Variants in TERT observed in about 807,000 individuals in gnomAD.
TERT encodes telomerase reverse transcriptase.
In TERT, 42 loss-of-function variants were observed where a neutral mutation model predicts 104.0. That is an observed-to-expected ratio of 0.40 (90% CI 0.32 to 0.52). TERT has a LOEUF of 0.52. TERT is among the 20% of genes least tolerant of loss of function. TERT has a pLI of 0.43. For missense variants in TERT, 1,101 were observed against 1,610.3 expected, an observed-to-expected ratio of 0.68 and a Z score of 5.41; for synonymous variants, 781 against 725.6, an observed-to-expected ratio of 1.08 and a Z score of -1.23.
At chr5:1,253,867 G>T (rs754281105) in intron 15 of TERT, 36 bp from the exon 16 acceptor site, 1 of 1,579,878 alleles carries the variant, frequency 6.3e-7, no homozygotes, top group Admixed American at 1.8e-5. Context: ...TCCAGAAGAG[G>T]CCAGAGGTGG....
In TERT at chr5:1,274,475, T is replaced by C. The variant is rs950574819; in HGVS notation, c.2287-2195A>G. ...CAGGGACTGGTTTCGTGGAAGACGA[T>C]TTTTCCACAGGACAGCAGTGGGGAA... On this transcript the variant is annotated intron_variant, in intron 6 of 15. Transcript: ENST00000310581. This position sits in a 1 kb window ranked among gnomAD's most constrained non-coding sequence, Gnocchi z 5.3. Among the ~76,000 whole-genome samples the C allele has an allele frequency of 6.6e-6, 1 of 152,178 alleles. No homozygotes were observed. The highest frequency in any genetic ancestry group is 1.5e-5 in the Non-Finnish European group (1 of 68,030).
intron 14 of TERT, 99 bp from the exon 15 acceptor site, chr5:1,254,604 T>C: frequency 7.0e-7 from 1 of 1,431,256 alleles, no homozygotes; most frequent in Non-Finnish European, 9.5e-7. Context: ...GCGGGGTGGC[T>C]CCATCTCTGG....
intron 5 of TERT, 47 bp downstream of exon 5, chr5:1,279,242 CCA>C: frequency 6.5e-7 from 1 of 1,536,384 alleles, no homozygotes; most frequent in South Asian, 1.2e-5. Flanking sequence ...AATCAGGCAG[CCA>C]CTCCCAAGGT....
chr5:1,262,614 T>C lies in TERT; in HGVS notation c.2843+1790A>G, dbSNP rs1250134220. Reference sequence around the variant, plus strand: ...TCTGCAAGCACACACTCTGACCAAGTGGCCTTTGGGAGCACAGAATATTCT... The same window carrying C: ...TCTGCAAGCACACACTCTGACCAAGCGGCCTTTGGGAGCACAGAATATTCT... On this transcript the variant is annotated intron_variant, in intron 11 of 15. Coordinates refer to ENST00000310581, the MANE Select transcript of TERT (RefSeq NM_198253.3). The surrounding 1 kb of genome is among the most constrained non-coding windows in gnomAD (Gnocchi z 5.6). 6.6e-6 allele frequency among the ~76,000 whole-genome samples: 1 copy of C among 152,182 alleles called. No homozygotes were observed. The highest frequency in any genetic ancestry group is 1.5e-5 in the Non-Finnish European group (1 of 68,022).
In TERT at chr5:1,265,832, C is replaced by T. The variant is rs1208391172; in HGVS notation, c.2654+632G>A. ...AAACAAGCCCACCGGCTCTGTGGGG[C>T]GCCCTTGAGGGGGACCACATTGGAC... On this transcript the variant is annotated intron_variant, in intron 10 of 15. Transcript: ENST00000310581. The surrounding 1 kb of genome is among the most constrained non-coding windows in gnomAD (Gnocchi z 6.9). Among the ~76,000 whole-genome samples, 5 of 152,162 alleles carry T rather than the reference C, an allele frequency of 3.3e-5. No individual in the cohort carries two copies. Among genetic ancestry groups the T allele is most frequent in the Admixed American group, 6.5e-5 (1 of 15,288 alleles).
At chr5:1,277,674 G>C (rs1345474794) in intron 6 of TERT, among the ~76,000 whole-genome samples, 8 of 150,152 alleles carry the variant, frequency 5.3e-5, no homozygotes, top group Admixed American at 4.0e-4. Flanking sequence ...GGACGGGGGG[G>C]TCTCCTGGGC....
chr5:1,259,224 C>T (rs1242300706), intron 12 of TERT, among the ~76,000 whole-genome samples: 4 of 126,880 alleles, frequency 3.2e-5, no homozygotes, highest in Admixed American at 8.6e-5. Context: ...AGGGAGTGGA[C>T]GTGGATGCCC....
At chr5:1,264,615 GC>G in intron 10 of TERT, 23 bp from the exon 11 acceptor site, 1 of 1,613,360 alleles carries the variant, frequency 6.2e-7, no homozygotes, top group South Asian at 1.1e-5. Flanking sequence ...GGCAATGTCA[GC>G]CCCAGGATGC....
At position 1,257,259 on chromosome 5, in the gene TERT, A is replaced by G. The variant is rs1747815290; in HGVS notation, c.3032+1339T>C. On this transcript the variant is annotated intron_variant, in intron 13 of 15. Transcript: ENST00000310581. The surrounding 1 kb of genome is among the most constrained non-coding windows in gnomAD (Gnocchi z 5.6). ...AAATGAGGACAAGACTGAGCTGAAT[A>G]TGGGAGGAGCAGGTGGCAGGTCACA... Among the ~76,000 whole-genome samples, 1 of 152,070 alleles carries G rather than the reference A, an allele frequency of 6.6e-6. No homozygotes were observed. The highest frequency in any genetic ancestry group is 1.5e-5 in the Non-Finnish European group (1 of 67,998).
chr5:1,287,252 C>A lies in TERT; in HGVS notation c.1574-4628G>T, dbSNP rs1209263848. 6.6e-6 allele frequency among the ~76,000 whole-genome samples: 1 copy of A among 152,086 alleles called. No homozygotes were observed. The highest frequency in any genetic ancestry group is 1.9e-4 in the East Asian group (1 of 5,196). On this transcript the variant is annotated intron_variant, in intron 2 of 15. Transcript: ENST00000310581. This position sits in a 1 kb window ranked among gnomAD's most constrained non-coding sequence, Gnocchi z 4.3. ...ATGGTGGCTCATGCCTGTAATTCAGCACTTTGGGAAGCCGAGGTAGATGGA... is the reference window on the plus strand; with the variant it reads ...ATGGTGGCTCATGCCTGTAATTCAGAACTTTGGGAAGCCGAGGTAGATGGA...
At position 1,272,353 on chromosome 5, in the gene TERT, G is replaced by A. The variant is rs550755760; in HGVS notation, c.2287-73C>T. On this transcript the variant is annotated intron_variant, in intron 6 of 15. Transcript: ENST00000310581. ...CCAGAGCTGGGCACTTGTTTCTTCC[G>A]ATCAGGACGTGTGGACCTGCGGCCA... 1,211 of 1,312,376 alleles carry A rather than the reference G, an allele frequency of 9.2e-4. 2 individuals carry two copies. Among genetic ancestry groups the A allele is most frequent in the South Asian group, 3.4e-3 (275 of 80,048 alleles). 81.3% of individuals were successfully genotyped at this position (1,312,376 alleles called of 1,614,324 possible). A position where few individuals can be genotyped will look rare whatever the true frequency, so the allele number is the denominator to read the frequency against.
At chr5:1,254,773 C>A (rs1747595368) in intron 14 of TERT, among the ~76,000 whole-genome samples, 1 of 152,212 alleles carries the variant, frequency 6.6e-6, no homozygotes, top group African/African-American at 2.4e-5. Flanking sequence ...CAGAAACCTC[C>A]CTGATGCTGG....
chr5:1,279,994 G>A (rs1007765643), intron 4 of TERT, among the ~76,000 whole-genome samples, 164 bp downstream of exon 4: 3 of 152,194 alleles, frequency 2.0e-5, no homozygotes, highest in African/African-American at 4.8e-5. Flanking sequence ...TGGAGGCACC[G>A]GCACCTCGGC....
chr5:1,279,659 C>T (rs776062692), intron 4 of TERT, among the ~76,000 whole-genome samples, 189 bp from the exon 5 acceptor site: 1 of 152,174 alleles, frequency 6.6e-6, no homozygotes, highest in Non-Finnish European at 1.5e-5. Flanking sequence ...GTGTTGCACA[C>T]GGGATCCTCA....
In TERT at chr5:1,278,737, G is replaced by A. The variant is rs138128892; in HGVS notation, c.2190C>T (p.Ala730=). 121 of 1,614,080 alleles carry A rather than the reference G, an allele frequency of 7.5e-5. No individual in the cohort carries two copies. Among genetic ancestry groups the A allele is most frequent in the Non-Finnish European group, 9.7e-5 (114 of 1,180,062 alleles). ...ACGTGTTCTGGGGTTTGATGATGCT[G>A]GCGATGACCTCCGTGAGCCTGTCCT... ...IPQDRLTEVI[A]SIIKPQNTYC... is the part of the protein sequence containing the mutation. The change falls in exon 6 of 16, where the codon GCC becomes GCT. Residue 730 remains alanine (A), a synonymous_variant. Transcript: ENST00000310581.
chr5:1,272,163 C>A (rs1749086650), intron 7 of TERT, 22 bp downstream of exon 7: 2 of 1,589,058 alleles, frequency 1.3e-6, no homozygotes, highest in Non-Finnish European at 1.7e-6. Flanking sequence ...CCGTGCCCAA[C>A]CCTGCAGGGC....
rs774891917 is a variant in TERT at position 1,282,575 on chromosome 5, C to A, written c.1623G>T (p.Leu541=). 1 of 1,614,018 alleles carries A rather than the reference C, an allele frequency of 6.2e-7. No individual in the cohort carries two copies. Among genetic ancestry groups the A allele is most frequent in the African/African-American group, 1.3e-5 (1 of 74,922 alleles). Reference sequence around the variant, plus strand: ...TCATCAGCCAGTGCAGGAACTTGGCCAGGATCTCCTCACGCAGACGGTGCT... The same window carrying A: ...TCATCAGCCAGTGCAGGAACTTGGCAAGGATCTCCTCACGCAGACGGTGCT... The part of the protein sequence containing the change: ...AAEHRLREEI[L]AKFLHWLMSV... The change falls in exon 3 of 16, where the codon CTG becomes CTT. Residue 541 remains leucine, a synonymous_variant. Transcript: ENST00000310581.
chr5:1,266,587 T>G (rs372881434), intron 9 of TERT, 52 bp from the exon 10 acceptor site: 108 of 1,411,346 alleles, frequency 7.7e-5, no homozygotes, highest in Non-Finnish European at 1.0e-4. Context: ...TTTTACGTAG[T>G]ATCTGTCTAC....
intron 6 of TERT, among the ~76,000 whole-genome samples, chr5:1,275,536 G>A (rs1468760494): frequency 6.6e-6 from 1 of 151,994 alleles, no homozygotes; most frequent in Non-Finnish European, 1.5e-5. Context: ...GGCACCACAC[G>A]ACCCCAGAGT....
Sources: allele counts gnomAD v4.1 joint callset (sites outside exome capture counted in the v4.1 genomes callset), GRCh38; gene constraint gnomAD v4.1.1; non-coding constraint Gnocchi (gnomAD v3.1); transcripts MANE v1.5; gene names NCBI Gene and HGNC (gene_info 2026-07-23, HGNC 2026-07-21).